The following AKAP13 variants were observed in gnomAD, a reference collection of about 807,000 sequenced individuals.
The protein encoded by AKAP13 is A-kinase anchoring protein 13.
A neutral mutation model predicts 264.5 loss-of-function variants in AKAP13; 80 were observed. The ratio of observed to expected loss-of-function variants is 0.30; its 90% CI spans 0.25 to 0.36. AKAP13 has a LOEUF of 0.36. Among genes scored for constraint, AKAP13 ranks in the 10% least tolerant of loss-of-function variants. The probability of loss-of-function intolerance (pLI) is 1.00; values close to 1 mark genes in which losing one functional copy is unlikely to be tolerated. For synonymous variants in AKAP13, 1,380 were observed against 1,250.2 expected (o/e 1.10, Z -2.19); for missense variants, 3,712 against 3,435.2 (o/e 1.08, Z -2.01).
intron 19 of AKAP13, among the ~76,000 whole-genome samples, chr15:85,714,577 T>C (rs1263048687): frequency 6.6e-6 from 1 of 152,230 alleles, no homozygotes; most frequent in Non-Finnish European, 1.5e-5. Context: ...GGGGCTGAGA[T>C]TCCATATCTA....
At chr15:85,526,343 T>C (rs1193468085) in intron 3 of AKAP13, among the ~76,000 whole-genome samples, 1 of 152,190 alleles carries the variant, frequency 6.6e-6, no homozygotes. Flanking sequence ...CATTGCAGGC[T>C]TGACTTCCCA....
chr15:85,736,316 C>G (rs972494977), intron 33 of AKAP13, among the ~76,000 whole-genome samples, 182 bp downstream of exon 33: 2 of 151,896 alleles, frequency 1.3e-5, no homozygotes, highest in African/African-American at 4.8e-5. Context: ...GTCTTTGGTC[C>G]TAGGGGCACC....
chr15:85,700,158 A>G (rs916282062), intron 17 of AKAP13, among the ~76,000 whole-genome samples: 2 of 152,196 alleles, frequency 1.3e-5, no homozygotes, highest in African/African-American at 2.4e-5. Context: ...CTTTGGCTAT[A>G]TTAAGTCTTT....
intron 14 of AKAP13, among the ~76,000 whole-genome samples, chr15:85,673,054 T>A (rs1251115459): frequency 1.3e-5 from 2 of 152,342 alleles, no homozygotes; most frequent in East Asian, 3.9e-4. Context: ...ATTAGTTTCC[T>A]CAACCACAGT....
At chr15:85,562,477 A>C (rs1336954792) in intron 5 of AKAP13, among the ~76,000 whole-genome samples, 1 of 149,644 alleles carries the variant, frequency 6.7e-6, no homozygotes, top group African/African-American at 2.5e-5. Flanking sequence ...AGGTGGGAGA[A>C]TCGCTTGTAC....
intron 2 of AKAP13, among the ~76,000 whole-genome samples, chr15:85,486,316 T>C (rs750805345): frequency 6.6e-6 from 1 of 152,202 alleles, no homozygotes; most frequent in Non-Finnish European, 1.5e-5. Context: ...TAAGAAGAAT[T>C]CTTTGCATAA....
chr15:85,749,335 T>A lies in AKAP13; in HGVS notation c.*4658T>A, dbSNP rs1186796033. 1 of 152,182 alleles carries A rather than the reference T, an allele frequency of 6.6e-6. No individual in the cohort carries two copies. Among genetic ancestry groups the A allele is most frequent in the Non-Finnish European group, 1.5e-5 (1 of 68,040 alleles). 9.4% of individuals were successfully genotyped at this position (152,182 alleles called of 1,614,324 possible). A position where few individuals can be genotyped will look rare whatever the true frequency, so the allele number is the denominator to read the frequency against. ...AGTCTCCCTCAGCCCTTTCAAAAAA[T>A]AATAAATTTCCTGTGAAGTTCTGGT... On this transcript the variant is annotated 3_prime_UTR_variant, in exon 37 of 37. Transcript: ENST00000394518.
At chr15:85,491,497 T>TTATTATA (rs55702011) in intron 2 of AKAP13, among the ~76,000 whole-genome samples, 15 of 140,670 alleles carry the variant, frequency 1.1e-4, no homozygotes, top group Admixed American at 2.2e-4. Context: ...TTATATATAT[T>TTATTATA]TATTATATAT....
At chr15:85,582,449 G>A (rs1399115002) in intron 7 of AKAP13, among the ~76,000 whole-genome samples, 1 of 152,118 alleles carries the variant, frequency 6.6e-6, no homozygotes, top group African/African-American at 2.4e-5. Context: ...TTATTCACAT[G>A]GCTTAATCCT....
At chr15:85,534,262 A>G (rs2077322198) in intron 4 of AKAP13, 1 of 241,298 alleles carries the variant, frequency 4.1e-6, no homozygotes, top group African/African-American at 2.2e-5. Context: ...AGTTCTCTAA[A>G]GATAGCCTGG....
chr15:85,635,570 A>G (rs2082035075), intron 8 of AKAP13, among the ~76,000 whole-genome samples: 2 of 152,094 alleles, frequency 1.3e-5, no homozygotes, highest in African/African-American at 4.8e-5. Flanking sequence ...TAAGGTTGAC[A>G]TAGATTTATC....
intron 10 of AKAP13, among the ~76,000 whole-genome samples, chr15:85,650,867 T>G (rs1268270904): frequency 1.3e-5 from 2 of 151,170 alleles, no homozygotes; most frequent in Admixed American, 6.6e-5. Context: ...TGGTAATGCT[T>G]GTAATCAGGT....
rs183986757 is a variant in AKAP13 at position 85,696,357 on chromosome 15, A to G, written c.5464+2906A>G. On this transcript the variant is annotated intron_variant, in intron 17 of 36. Transcript: ENST00000394518. Reference sequence around the variant, plus strand: ...GCCCAGCCCATCTCCTGAGTGAAGAATACCCCGCTCCCTTAAGAAACCTCT... The same window carrying G: ...GCCCAGCCCATCTCCTGAGTGAAGAGTACCCCGCTCCCTTAAGAAACCTCT... Among the ~76,000 whole-genome samples the G allele has an allele frequency of 8.0e-3, 1,216 of 152,324 alleles. 16 individuals carry two copies. Among genetic ancestry groups the G allele is most frequent in the African/African-American group, 0.027 (1,126 of 41,564 alleles).
chr15:85,402,707 A>G lies in AKAP13; in HGVS notation c.-12+21909A>G, dbSNP rs58610809. Reference sequence around the variant, plus strand: ...ACTTACTTTGTAGCATTTTATCTGTATGTCTCACTTAACCCTGGGGTGGTC... The same window carrying G: ...ACTTACTTTGTAGCATTTTATCTGTGTGTCTCACTTAACCCTGGGGTGGTC... On this transcript the variant is annotated intron_variant, in intron 1 of 36. Transcript: ENST00000394518. 9.2e-3 allele frequency among the ~76,000 whole-genome samples: 1,402 copies of G among 152,098 alleles called. 18 individuals are homozygous for G. The highest frequency in any genetic ancestry group is 0.032 in the African/African-American group (1,338 of 41,464).
At chr15:85,490,870 A>C (rs189050778) in intron 2 of AKAP13, among the ~76,000 whole-genome samples, 155 of 152,276 alleles carry the variant, frequency 1.0e-3, no homozygotes, top group African/African-American at 3.6e-3. Flanking sequence ...AAAATAAATG[A>C]AATGGCGATG....
At chr15:85,686,002 C>T (rs2084889915) in intron 16 of AKAP13, among the ~76,000 whole-genome samples, 2 of 152,022 alleles carry the variant, frequency 1.3e-5, no homozygotes, top group Admixed American at 1.3e-4. Context: ...AGTGCTAAAC[C>T]AAAACTGATT....
At chr15:85,634,064 C>T (rs536071986) in intron 8 of AKAP13, among the ~76,000 whole-genome samples, 2 of 152,116 alleles carry the variant, frequency 1.3e-5, no homozygotes, top group African/African-American at 2.4e-5. Context: ...TGTAACACAC[C>T]AGGAACTGAA....
At chr15:85,521,038 A>T (rs1160562426) in intron 2 of AKAP13, among the ~76,000 whole-genome samples, 1 of 152,184 alleles carries the variant, frequency 6.6e-6, no homozygotes, top group Non-Finnish European at 1.5e-5. Flanking sequence ...GAGTATAAGG[A>T]TGTGATCATT....
intron 14 of AKAP13, among the ~76,000 whole-genome samples, chr15:85,679,485 T>C (rs979600506): frequency 1.3e-5 from 2 of 152,180 alleles, no homozygotes; most frequent in Non-Finnish European, 2.9e-5. Flanking sequence ...TATTAGTAAA[T>C]TTAGGAAACT....
Sources: allele counts gnomAD v4.1 joint callset (sites outside exome capture counted in the v4.1 genomes callset), GRCh38; gene constraint gnomAD v4.1.1; transcripts MANE v1.5; gene names NCBI Gene and HGNC (gene_info 2026-07-23, HGNC 2026-07-21).